The following IFT80 variants were observed in gnomAD, a reference collection of about 807,000 sequenced individuals.
IFT80 encodes intraflagellar transport 80.
IFT80 carries 79 observed loss-of-function variants against 107.9 expected under a neutral mutation model. That is an observed-to-expected ratio of 0.73 (90% CI 0.61 to 0.88). IFT80 has a LOEUF of 0.88. IFT80 is among the 40% of genes least tolerant of loss of function. The pLI, the probability that IFT80 is intolerant of heterozygous loss-of-function variation, is 0.00. For missense variants in IFT80, 797 were observed against 914.2 expected, an observed-to-expected ratio of 0.87 and a Z score of 1.65; for synonymous variants, 299 against 300.9, an observed-to-expected ratio of 0.99 and a Z score of 0.07.
chr3:160,327,437 G>A (rs1015701350), intron 8 of IFT80, among the ~76,000 whole-genome samples: 3 of 152,142 alleles, frequency 2.0e-5, no homozygotes, highest in African/African-American at 7.2e-5. Flanking sequence ...TACTAACAGG[G>A]CCACAATAAC....
chr3:160,301,414 C>T (rs1003804946), intron 11 of IFT80, among the ~76,000 whole-genome samples: 2 of 151,702 alleles, frequency 1.3e-5, no homozygotes, highest in African/African-American at 2.4e-5. Flanking sequence ...CATTTTAATG[C>T]CGGGTGCTAT....
chr3:160,351,668 CACAT>C (rs1262662597), intron 8 of IFT80, among the ~76,000 whole-genome samples: 1 of 145,582 alleles, frequency 6.9e-6, no homozygotes, highest in Non-Finnish European at 1.5e-5. Context: ...CATACATACA[CACAT>C]AAATAACACA....
At chr3:160,340,036 CA>C (rs1172614051) in intron 8 of IFT80, among the ~76,000 whole-genome samples, 1 of 152,114 alleles carries the variant, frequency 6.6e-6, no homozygotes, top group African/African-American at 2.4e-5. Context: ...ATCTCCTGGG[CA>C]AAAATATTCT....
chr3:160,379,535 A>G (rs2108400474), intron 3 of IFT80, among the ~76,000 whole-genome samples: 1 of 152,290 alleles, frequency 6.6e-6, no homozygotes. Flanking sequence ...CTGCTCTCAC[A>G]TCTTTCAGAA....
At position 160,355,890 on chromosome 3, in the gene IFT80, A is replaced by G. The variant is rs1576859821; in HGVS notation, c.777+123T>C. 5 of 1,193,784 alleles carry G rather than the reference A, an allele frequency of 4.2e-6. No homozygotes were observed. In the East Asian group the frequency reaches 9.4e-5, roughly 22 times the overall value. 73.9% of individuals were successfully genotyped at this position (1,193,784 alleles called of 1,614,324 possible). The stretch of plus-strand genomic sequence containing the variant: ...GATTGAACCAGCATATTAAGAAGAC[A>G]AATCAGAAAGATTCAACCAGATGCA... On this transcript the variant is annotated intron_variant, in intron 8 of 19. Coordinates refer to ENST00000326448, the MANE Select transcript of IFT80 (RefSeq NM_020800.3).
In IFT80 at chr3:160,391,150, G is replaced by A. The variant is rs1200359578; in HGVS notation, c.-46-6504C>T. Among the ~76,000 whole-genome samples, 5 of 152,180 alleles carry A rather than the reference G, an allele frequency of 3.3e-5. No homozygotes were observed. In the East Asian group the frequency reaches 7.7e-4, roughly 23 times the overall value. On this transcript the variant is annotated intron_variant, in intron 1 of 19. Coordinates refer to ENST00000326448, the MANE Select transcript of IFT80 (RefSeq NM_020800.3). ...CTCCGCAAGGAACAGTACCTCTGCT[G>A]CTGCTATACACTGCTGCTTCAATAA...
chr3:160,315,053 AAGGGAGGGAGGGAGGGAGGG>A lies in IFT80; in HGVS notation c.957+4687_957+4706del, dbSNP rs3043631. Among the ~76,000 whole-genome samples, 214 of 45,238 alleles carry A rather than the reference AAGGGAGGGAGGGAGGGAGGG, an allele frequency of 4.7e-3. 2 individuals carry two copies. The highest frequency in any genetic ancestry group is 0.017 in the African/African-American group (197 of 11,502). The allele number at this position is 45,238 out of a possible 152,430, so 29.7% of individuals were successfully genotyped here. A position where few individuals can be genotyped will look rare whatever the true frequency, so the allele number is the denominator to read the frequency against. Reference sequence around the variant, plus strand: ...GTGGGCAGGAGGGGAAAAAAGAAGGAAGGGAGGGAGGGAGGGAGGGAGGGAGGGAGGGAGGGAAAAAGAGA... The same window carrying A: ...GTGGGCAGGAGGGGAAAAAAGAAGGAAGGGAGGGAGGGAGGGAAAAAGAGA... On this transcript the variant is annotated intron_variant, in intron 9 of 19. Transcript: ENST00000326448.
intron 7 of IFT80, among the ~76,000 whole-genome samples, chr3:160,356,847 C>A (rs1721129164): frequency 6.6e-6 from 1 of 152,152 alleles, no homozygotes; most frequent in Non-Finnish European, 1.5e-5. Context: ...TAAATTTTTT[C>A]TCCCTGTAAG....
chr3:160,291,628 G>A (rs1318023484), intron 12 of IFT80, among the ~76,000 whole-genome samples: 13 of 152,102 alleles, frequency 8.5e-5, no homozygotes, highest in Admixed American at 7.9e-4. Flanking sequence ...AAGCGTGGTG[G>A]GCTGCACTGC....
chr3:160,366,510 TATCA>T lies in IFT80; in HGVS notation c.440-362_440-359del, dbSNP rs1457386181. ...AAGAAATAGCAGAAAAGTCATGATT[TATCA>T]TTTCCCATCATTGACAGCCATCAGT... On this transcript the variant is annotated intron_variant, in intron 5 of 19. Transcript: ENST00000326448. 7.2e-5 allele frequency among the ~76,000 whole-genome samples: 11 copies of T among 152,214 alleles called. No individual in the cohort carries two copies. In the South Asian group the frequency reaches 1.2e-3, roughly 17 times the overall value.
chr3:160,261,273 T>C (rs1349995557), intron 19 of IFT80, among the ~76,000 whole-genome samples: 2 of 152,006 alleles, frequency 1.3e-5, no homozygotes, highest in African/African-American at 2.4e-5. Context: ...CCTTATCTTA[T>C]ATACCTTCTC....
chr3:160,355,619 G>T, intron 8 of IFT80, among the ~76,000 whole-genome samples: 1 of 151,418 alleles, frequency 6.6e-6, no homozygotes, highest in Non-Finnish European at 1.5e-5. Context: ...ATATGCAATC[G>T]AGATTTCGTA....
At position 160,303,897 on chromosome 3, in the gene IFT80, T is replaced by G; in HGVS notation, c.1151+18A>C. 1 of 1,523,054 alleles carries G rather than the reference T, an allele frequency of 6.6e-7. No homozygotes were observed. Among genetic ancestry groups the G allele is most frequent in the Non-Finnish European group, 9.1e-7 (1 of 1,097,274 alleles). The allele number at this position is 1,523,054 out of a possible 1,614,324, so 94.3% of individuals were successfully genotyped here. A position where few individuals can be genotyped will look rare whatever the true frequency, so the allele number is the denominator to read the frequency against. On this transcript the variant is annotated intron_variant, in intron 11 of 19. Coordinates refer to ENST00000326448, the MANE Select transcript of IFT80 (RefSeq NM_020800.3). ...TTTATTTTAACCCCAGATCCAGTAG[T>G]TAAACATAATAAATTACCTTTCTGC...
At chr3:160,319,708 T>G in intron 9 of IFT80, 52 bp downstream of exon 9, 1 of 1,366,834 alleles carries the variant, frequency 7.3e-7, no homozygotes, top group Non-Finnish European at 1.0e-6. Context: ...TTCTGTACAG[T>G]TAACTAATAT....
intron 1 of IFT80, among the ~76,000 whole-genome samples, chr3:160,398,863 C>A (rs1388237134): frequency 6.6e-6 from 1 of 152,102 alleles, no homozygotes; most frequent in Non-Finnish European, 1.5e-5. Flanking sequence ...AGTCCTAAAC[C>A]TTTCACTAGT....
intron 6 of IFT80, among the ~76,000 whole-genome samples, chr3:160,365,663 T>C (rs1721814177): frequency 1.3e-5 from 2 of 152,118 alleles, no homozygotes; most frequent in Admixed American, 6.6e-5. Flanking sequence ...AAGCTGATAT[T>C]AGTGTCACTA....
Position 160,277,407 on chromosome 3 carries a change from T to C in IFT80, c.1998A>G (p.Leu666=), listed in dbSNP as rs764564692. The stretch of plus-strand genomic sequence containing the variant: ...CCTCCTGTATGTTCCCACTAAACAG[T>C]AGTATGTGGGCCATTTTTGATTCTT... ...PSKESKMAHI[L]LFSGNIQEAE... Residue 666 remains leucine (L), a synonymous_variant, in exon 18 of 20, where the codon CTA becomes CTG. Transcript: ENST00000326448. 6 of 1,613,008 alleles carry C rather than the reference T, an allele frequency of 3.7e-6. No individual in the cohort carries two copies. The highest frequency in any genetic ancestry group is 2.2e-5 in the East Asian group (1 of 44,820).
At chr3:160,332,841 C>A (rs1576824094) in intron 8 of IFT80, among the ~76,000 whole-genome samples, 1 of 152,134 alleles carries the variant, frequency 6.6e-6, no homozygotes, top group Non-Finnish European at 1.5e-5. Flanking sequence ...CTTCTCATTA[C>A]CTATTTGGTT....
chr3:160,314,186 A>G (rs550650271), intron 9 of IFT80, among the ~76,000 whole-genome samples: 31 of 152,198 alleles, frequency 2.0e-4, no homozygotes, highest in Non-Finnish European at 3.5e-4. Flanking sequence ...TTATTTTTAC[A>G]AGACATAAAA....
Sources: allele counts gnomAD v4.1 joint callset (sites outside exome capture counted in the v4.1 genomes callset), GRCh38; gene constraint gnomAD v4.1.1; transcripts MANE v1.5; gene names NCBI Gene and HGNC (gene_info 2026-07-23, HGNC 2026-07-21).